The following GIGYF2 variants were observed in gnomAD, a reference collection of about 807,000 sequenced individuals.
GIGYF2 encodes the protein GRB10-interacting GYF protein 2.
GIGYF2 carries 25 observed loss-of-function variants against 208.1 expected under a neutral mutation model. That is an observed-to-expected ratio of 0.12 (90% CI 0.09 to 0.17). The LOEUF is 0.17. Ranked by LOEUF, GIGYF2 falls within the 10% of genes least tolerant of loss-of-function variation. The probability of loss-of-function intolerance (pLI) is 1.00; values close to 1 mark genes in which losing one functional copy is unlikely to be tolerated. For missense variants in GIGYF2, 1,302 were observed against 1,579.4 expected (o/e 0.82, Z 2.98); for synonymous variants, 534 against 543.8 (o/e 0.98, Z 0.25).
At chr2:232,787,068 C>CTGCAAAT in intron 8 of GIGYF2, 82 bp from the exon 9 acceptor site, 1 of 999,450 alleles carries the variant, frequency 1.0e-6, no homozygotes, top group East Asian at 2.4e-5. Flanking sequence ...TGCAGGAAAG[C>CTGCAAAT]TTGATTTGAG....
chr2:232,762,236 TTG>T (rs1399514601), intron 8 of GIGYF2, among the ~76,000 whole-genome samples: 6 of 109,338 alleles, frequency 5.5e-5, no homozygotes, highest in Non-Finnish European at 2.0e-5. Context: ...CTTTTTTTTT[TTG>T]TTTTTTTTTT....
chr2:232,749,128 G>A (rs1698252692), intron 5 of GIGYF2, 46 bp downstream of exon 5: 1 of 923,886 alleles, frequency 1.1e-6, no homozygotes, highest in African/African-American at 1.6e-5. Flanking sequence ...TTCTTTTCCT[G>A]CTAAGGCATG....
At chr2:232,742,689 CTT>C (rs1165138126) in intron 3 of GIGYF2, among the ~76,000 whole-genome samples, 1 of 152,100 alleles carries the variant, frequency 6.6e-6, no homozygotes, top group Non-Finnish European at 1.5e-5. Context: ...CAGGGGAAGA[CTT>C]GAGAGACTGA....
intron 14 of GIGYF2, among the ~76,000 whole-genome samples, chr2:232,800,110 AC>A (rs1405184827): frequency 6.9e-6 from 1 of 145,638 alleles, no homozygotes; most frequent in East Asian, 2.0e-4. Context: ...CTTGTCATGC[AC>A]TTTTTTTTTT....
chr2:232,790,663 C>T, intron 9 of GIGYF2, 35 bp from the exon 10 acceptor site: 1 of 1,539,748 alleles, frequency 6.5e-7, no homozygotes, highest in Non-Finnish European at 9.0e-7. Context: ...TGTCATAAAA[C>T]TTTTCTAAGG....
At chr2:232,706,598 C>T (rs181137893) in intron 2 of GIGYF2, among the ~76,000 whole-genome samples, 10 of 152,062 alleles carry the variant, frequency 6.6e-5, no homozygotes, top group Admixed American at 5.3e-4. Flanking sequence ...ACCAACACGG[C>T]GAAACCCTGT....
intron 8 of GIGYF2, chr2:232,767,297 A>G (rs1255398950): frequency 6.6e-6 from 1 of 152,202 alleles, no homozygotes; most frequent in Non-Finnish European, 1.5e-5. Flanking sequence ...AAAGCTTTAT[A>G]TCTATAAAGA....
At chr2:232,754,073 G>A (rs919782701) in intron 5 of GIGYF2, among the ~76,000 whole-genome samples, 4 of 152,130 alleles carry the variant, frequency 2.6e-5, no homozygotes, top group Middle Eastern at 3.4e-3. Context: ...GCTGAGCCAG[G>A]AGAATCGCTT....
At chr2:232,761,253 G>A (rs537729173) in intron 7 of GIGYF2, 143 bp from the exon 8 acceptor site, 51 of 591,326 alleles carry the variant, frequency 8.6e-5, no homozygotes, top group African/African-American at 3.6e-4. Context: ...CTATATTTTC[G>A]AAATATTAGG....
At chr2:232,789,434 T>C (rs1700007182) in intron 9 of GIGYF2, among the ~76,000 whole-genome samples, 2 of 152,200 alleles carry the variant, frequency 1.3e-5, no homozygotes. Context: ...CATTTGATCA[T>C]GAAGACTCTT....
intron 2 of GIGYF2, chr2:232,729,678 A>G (rs1697362280): frequency 4.6e-6 from 4 of 864,080 alleles, no homozygotes; most frequent in African/African-American, 3.3e-5. Context: ...ACTAGTTTAG[A>G]TGAGCCCCAG....
At chr2:232,815,182 A>G (rs529732369) in intron 18 of GIGYF2, among the ~76,000 whole-genome samples, 1 of 152,112 alleles carries the variant, frequency 6.6e-6, no homozygotes, top group Admixed American at 6.6e-5. Context: ...GGCATTCACA[A>G]TGTTGTGCAA....
intron 23 of GIGYF2, among the ~76,000 whole-genome samples, chr2:232,842,621 T>G (rs999898769): frequency 6.6e-6 from 1 of 152,240 alleles, no homozygotes; most frequent in Non-Finnish European, 1.5e-5. Flanking sequence ...TGTTTGTTCC[T>G]ATTTACAAAT....
chr2:232,815,856 C>A, intron 19 of GIGYF2, 119 bp downstream of exon 19: 1 of 700,602 alleles, frequency 1.4e-6, no homozygotes, highest in Admixed American at 2.0e-5. Context: ...TGCTGCTTAG[C>A]TGGTATAAGT....
At chr2:232,838,299 T>TAC (rs1471780069) in intron 22 of GIGYF2, among the ~76,000 whole-genome samples, 1 of 152,028 alleles carries the variant, frequency 6.6e-6, no homozygotes. Context: ...TATATATATA[T>TAC]ACACGCATAT....
At chr2:232,715,582 A>G (rs1390550171) in intron 2 of GIGYF2, among the ~76,000 whole-genome samples, 72 of 148,454 alleles carry the variant, frequency 4.8e-4, no homozygotes, top group African/African-American at 7.8e-4. Context: ...CTTTCTGGGA[A>G]AAAAAAAAAA....
rs141025589 is a variant in GIGYF2, at chr2:232,775,502, A to G, written c.533-11648A>G. 2.1e-3 allele frequency among the ~76,000 whole-genome samples: 314 copies of G among 152,272 alleles called. 1 individual carries two copies. Among genetic ancestry groups the G allele is most frequent in the African/African-American group, 7.2e-3 (300 of 41,566 alleles). On this transcript the variant is annotated intron_variant, in intron 8 of 28. Coordinates refer to ENST00000373563, the MANE Select transcript of GIGYF2 (RefSeq NM_001103146.3). Reference sequence around the variant, plus strand: ...CTCGTATGGTTTAAAAAATTATACTATTGTTACCTGATATTTAAGTCTCAT... The same window carrying G: ...CTCGTATGGTTTAAAAAATTATACTGTTGTTACCTGATATTTAAGTCTCAT...
At chr2:232,784,628 T>C (rs1042988652) in intron 8 of GIGYF2, among the ~76,000 whole-genome samples, 11 of 151,868 alleles carry the variant, frequency 7.2e-5, no homozygotes, top group African/African-American at 1.2e-4. Context: ...CTGCCCGCCT[T>C]AGCCTCCCAA....
Position 232,813,881 on chromosome 2 carries a change from ATTTTTTT to A in GIGYF2, c.2107+1408_2107+1414del, listed in dbSNP as rs397871962. Among the ~76,000 whole-genome samples the A allele has an allele frequency of 1.9e-4, 14 of 73,542 alleles. No homozygotes were observed. In the South Asian group the frequency reaches 6.7e-3, roughly 35 times the overall value. The allele number at this position is 73,542 out of a possible 152,430, so 48.2% of individuals were successfully genotyped here. ...AGCATTGACATGATTTCACAAGTGG[ATTTTTTT>A]TTTTTTTTTTTTTTTTTGAGACAGA... On this transcript the variant is annotated intron_variant, in intron 18 of 28. Transcript: ENST00000373563.
Sources: allele counts gnomAD v4.1 joint callset (sites outside exome capture counted in the v4.1 genomes callset), GRCh38; gene constraint gnomAD v4.1.1; transcripts MANE v1.5; gene names NCBI Gene and HGNC (gene_info 2026-07-23, HGNC 2026-07-21).